EML4: variants seen among roughly 807,000 people sequenced by gnomAD.
EML4 encodes EMAP like 4.
A neutral mutation model predicts 129.0 loss-of-function variants in EML4; 72 were observed. The ratio of observed to expected loss-of-function variants is 0.56; its 90% CI spans 0.46 to 0.68. The LOEUF (loss-of-function observed/expected upper bound fraction) is 0.68, where lower values mean the gene tolerates loss of function less well. Ranked by LOEUF, EML4 falls within the 30% of genes least tolerant of loss-of-function variation. The pLI is 0.00. For synonymous variants in EML4, 532 were observed against 405.0 expected (o/e 1.31, Z -3.77); for missense variants, 1,363 against 1,190.6 (o/e 1.14, Z -2.13).
intron 1 of EML4, chr2:42,169,841 C>T (rs181101966): frequency 1.5e-5 from 7 of 476,894 alleles, no homozygotes; most frequent in East Asian, 1.1e-4. Flanking sequence ...CTGTGTCAGA[C>T]CCTCCTTTCC....
chr2:42,264,108 T>TTTG (rs1665911836), intron 5 of EML4, among the ~76,000 whole-genome samples: 1 of 139,134 alleles, frequency 7.2e-6, no homozygotes, highest in Non-Finnish European at 1.6e-5. Context: ...TACGTGTTTT[T>TTTG]TTTTTTTTTT....
chr2:42,292,172 T>C (rs1166365559), intron 11 of EML4, among the ~76,000 whole-genome samples: 2 of 152,222 alleles, frequency 1.3e-5, no homozygotes, highest in African/African-American at 4.8e-5. Flanking sequence ...TTAGTGTATT[T>C]AGGAACTTTG....
At chr2:42,302,099 A>T (rs1423672211) in intron 14 of EML4, among the ~76,000 whole-genome samples, 1 of 152,128 alleles carries the variant, frequency 6.6e-6, no homozygotes, top group Non-Finnish European at 1.5e-5. Context: ...GCATTCACTG[A>T]GATTGTTCCA....
Position 42,245,639 on chromosome 2 carries a change from A to G in EML4, c.160A>G (p.Ile54Val), listed in dbSNP as rs749892473. 15 of 1,613,358 alleles carry G rather than the reference A, an allele frequency of 9.3e-6. No individual in the cohort carries two copies. The Admixed American group carries it at 1.0e-4, about 11-fold the overall frequency. ...ALADVLRRLA[I>V]SEDHVASVKK... is the part of the protein sequence containing the mutation. The stretch of plus-strand genomic sequence containing the variant: ...GGCTGATGTTTTGAGGCGTCTTGCA[A>G]TCTCTGAAGATCATGTGGCCTCAGT... The change falls in exon 2 of 23, where the codon ATC becomes GTC. Residue 54 changes from isoleucine (I) to valine (V), a missense_variant. Coordinates refer to ENST00000318522, the MANE Select transcript of EML4 (RefSeq NM_019063.5).
chr2:42,242,839 A>G (rs968507722), intron 1 of EML4, among the ~76,000 whole-genome samples: 1 of 151,740 alleles, frequency 6.6e-6, no homozygotes, highest in African/African-American at 2.4e-5. Flanking sequence ...ATTAAAACTC[A>G]CTGAATCCTT....
chr2:42,284,161 T>C (rs1380807331), intron 8 of EML4, among the ~76,000 whole-genome samples: 1 of 152,236 alleles, frequency 6.6e-6, no homozygotes, highest in Non-Finnish European at 1.5e-5. Context: ...AGATGCTCAT[T>C]GCTGTTTTCT....
chr2:42,296,619 G>A (rs1326032369), intron 13 of EML4, among the ~76,000 whole-genome samples: 1 of 152,110 alleles, frequency 6.6e-6, no homozygotes, highest in Non-Finnish European at 1.5e-5. Flanking sequence ...CTTTCCCTGG[G>A]CTAGCACAGT....
chr2:42,293,842 G>T (rs1023310850), intron 11 of EML4, among the ~76,000 whole-genome samples: 1 of 151,968 alleles, frequency 6.6e-6, no homozygotes, highest in East Asian at 1.9e-4. Flanking sequence ...AACTCCTGAC[G>T]TCGTGATCCA....
At position 42,263,238 on chromosome 2, in the gene EML4, C is replaced by G. The variant is rs200459540; in HGVS notation, c.573C>G (p.Ser191Arg). Residue 191 changes from serine to arginine, a missense_variant, in exon 5 of 23, where the codon AGC (serine) becomes AGG (arginine). By Grantham distance (110) the Ser-to-Arg change is moderately radical. Coordinates refer to ENST00000318522, the MANE Select transcript of EML4 (RefSeq NM_019063.5). ...SHNSWENSDDSRNKLSKIPST... is the reference protein window; with the variant it reads ...SHNSWENSDDRRNKLSKIPST... ...ATTCTTGGGAAAATTCAGATGATAGCCGTAATAAATTGTCGAAAATACCTT... is the reference window on the plus strand; with the variant it reads ...ATTCTTGGGAAAATTCAGATGATAGGCGTAATAAATTGTCGAAAATACCTT... The G allele has an allele frequency of 1.2e-6, 2 of 1,612,892 alleles. No individual in the cohort carries two copies. Among genetic ancestry groups the G allele is most frequent in the East Asian group, 2.2e-5 (1 of 44,758 alleles).
chr2:42,310,395 A>G (rs892879191), intron 17 of EML4, among the ~76,000 whole-genome samples: 1 of 149,716 alleles, frequency 6.7e-6, no homozygotes, highest in Non-Finnish European at 1.5e-5. Context: ...CCCAGGCTGG[A>G]GTGCAGTGAC....
intron 1 of EML4, among the ~76,000 whole-genome samples, chr2:42,172,687 C>G (rs1670350045): frequency 6.6e-6 from 1 of 151,608 alleles, no homozygotes; most frequent in African/African-American, 2.4e-5. Context: ...GAAAAGTACT[C>G]AATTACCTTG....
chr2:42,223,158 C>T (rs1010064682), intron 1 of EML4, among the ~76,000 whole-genome samples: 7 of 152,068 alleles, frequency 4.6e-5, no homozygotes, highest in Non-Finnish European at 1.5e-5. Context: ...TAACATATTT[C>T]ATTCACTTGA....
At chr2:42,260,155 A>G (rs1165114682) in intron 3 of EML4, among the ~76,000 whole-genome samples, 1 of 150,588 alleles carries the variant, frequency 6.6e-6, no homozygotes, top group Non-Finnish European at 1.5e-5. Flanking sequence ...GTGAGCCACC[A>G]CACCCGGGCT....
intron 1 of EML4, among the ~76,000 whole-genome samples, chr2:42,207,425 T>C (rs559322159): frequency 8.5e-5 from 13 of 152,226 alleles, no homozygotes; most frequent in Non-Finnish European, 1.8e-4. Flanking sequence ...TAGGACCTTA[T>C]ACCTTTTCAC....
chr2:42,291,053 C>T (rs184344399), intron 11 of EML4, among the ~76,000 whole-genome samples: 4 of 152,228 alleles, frequency 2.6e-5, no homozygotes, highest in Admixed American at 2.6e-4. Flanking sequence ...GTGATACAAA[C>T]ATAGATCAGT....
rs1360765455 is a variant in EML4, at chr2:42,169,958, C to T, written c.25+322C>T. ...CACCCCTCCCCGTACACTCACGGCT[C>T]CCTCCACTTACCCCCCTTCAGAGTT... is the stretch of plus-strand genomic sequence containing the variant. On this transcript the variant is annotated intron_variant, in intron 1 of 22. Coordinates refer to ENST00000318522, the MANE Select transcript of EML4 (RefSeq NM_019063.5). 12 of 305,726 alleles carry T rather than the reference C, an allele frequency of 3.9e-5. No individual in the cohort carries two copies. In the East Asian group the frequency reaches 5.1e-4, roughly 13 times the overall value. 18.9% of individuals were successfully genotyped at this position (305,726 alleles called of 1,614,324 possible).
chr2:42,295,625 A>G (rs540578051), intron 13 of EML4, 109 bp downstream of exon 13: 2 of 795,450 alleles, frequency 2.5e-6, no homozygotes, highest in African/African-American at 1.7e-5. Flanking sequence ...AATATGAGCA[A>G]GTCACCAACA....
At chr2:42,183,948 G>T (rs1229661386) in intron 1 of EML4, among the ~76,000 whole-genome samples, 1 of 152,146 alleles carries the variant, frequency 6.6e-6, no homozygotes, top group Non-Finnish European at 1.5e-5. Flanking sequence ...GTACCACCAG[G>T]ATGAGGTCAC....
At chr2:42,230,312 A>G (rs1261894546) in intron 1 of EML4, among the ~76,000 whole-genome samples, 1 of 152,250 alleles carries the variant, frequency 6.6e-6, no homozygotes, top group African/African-American at 2.4e-5. Context: ...ATGTAACTTT[A>G]TTAAAAGATA....
Sources: gnomAD v4.1 joint callset for allele counts (sites outside exome capture counted in the v4.1 genomes callset) on GRCh38, gnomAD v4.1.1 for gene constraint, MANE v1.5 for transcripts, NCBI Gene and HGNC (gene_info 2026-07-23, HGNC 2026-07-21) for gene names.